Variants in PTK2 observed in about 807,000 individuals in gnomAD.
The protein encoded by PTK2 is focal adhesion kinase 1.
A neutral mutation model predicts 150.1 loss-of-function variants in PTK2; 45 were observed. That is an observed-to-expected ratio of 0.30 (90% CI 0.24 to 0.38). The LOEUF is 0.38. PTK2 is among the 10% of genes least tolerant of loss of function. The pLI is 1.00. For synonymous variants in PTK2, 432 were observed against 449.2 expected, an observed-to-expected ratio of 0.96 and a Z score of 0.48; for missense variants, 919 against 1,307.3, an observed-to-expected ratio of 0.70 and a Z score of 4.58.
chr8:140,864,157 A>G (rs761787140), intron 5 of PTK2, among the ~76,000 whole-genome samples, 155 bp downstream of exon 5: 9 of 152,244 alleles, frequency 5.9e-5, no homozygotes, highest in Non-Finnish European at 1.2e-4. Flanking sequence ...AAAAAAATTA[A>G]TAATTTCTTA....
At chr8:140,668,287 C>G (rs965178568) in exon 30 of PTK2, 1 of 1,614,140 alleles carries the variant, frequency 6.2e-7, no homozygotes. Flanking sequence ...TAGGGACATA[C>G]TCCTCTGGTG....
In PTK2 at chr8:140,850,426, CA is replaced by C. The variant is rs1215529684; in HGVS notation, c.451-3749del. Among the ~76,000 whole-genome samples the C allele has an allele frequency of 2.9e-5, 4 of 140,218 alleles. No individual in the cohort carries two copies. In the East Asian group the frequency reaches 6.6e-4, roughly 23 times the overall value. The allele number at this position is 140,218 out of a possible 152,430, so 92.0% of individuals were successfully genotyped here. On this transcript the variant is annotated intron_variant, in intron 5 of 31. Transcript: ENST00000522684. The stretch of plus-strand genomic sequence containing the variant: ...GGGGGCCAACAGTGAGACTTCGTCT[CA>C]AAAAAAAACTACGACGGGCCAGGCG...
intron 5 of PTK2, among the ~76,000 whole-genome samples, chr8:140,858,528 A>G (rs1470155473): frequency 1.3e-5 from 2 of 152,172 alleles, no homozygotes; most frequent in Non-Finnish European, 2.9e-5. Flanking sequence ...AGCCATCCAG[A>G]CAGAAAAGAC....
At chr8:140,675,813 T>C in intron 27 of PTK2, 1 of 220,338 alleles carries the variant, frequency 4.5e-6, no homozygotes, top group Non-Finnish European at 8.9e-6. Context: ...TAGTACAACC[T>C]CTATGGAAAA....
chr8:140,806,802 C>G lies in PTK2; in HGVS notation c.868-3152G>C, dbSNP rs532402744. 3.3e-5 allele frequency among the ~76,000 whole-genome samples: 5 copies of G among 152,282 alleles called. No homozygotes were observed. In the South Asian group the frequency reaches 1.0e-3, roughly 32 times the overall value. ...AAAAATTATTTGAGTAGGGGAATAA[C>G]ATGCTCTGTAATTTTAATTTCAGGA... On this transcript the variant is annotated intron_variant, in intron 10 of 31. Transcript: ENST00000522684.
At chr8:140,883,467 T>G (rs1051646363) in intron 3 of PTK2, among the ~76,000 whole-genome samples, 3 of 152,210 alleles carry the variant, frequency 2.0e-5, no homozygotes, top group Non-Finnish European at 4.4e-5. Context: ...GTTGACACTG[T>G]TTATCTCCTT....
chr8:140,695,187 G>A (rs911083115), intron 26 of PTK2, among the ~76,000 whole-genome samples: 2 of 152,158 alleles, frequency 1.3e-5, no homozygotes, highest in Non-Finnish European at 2.9e-5. Context: ...TGACACCAAT[G>A]CTATGATTCC....
intron 24 of PTK2, among the ~76,000 whole-genome samples, chr8:140,704,495 G>C (rs749767233): frequency 3.3e-4 from 50 of 152,206 alleles, no homozygotes; most frequent in Non-Finnish European, 6.3e-4. Flanking sequence ...CAGTGCCGCA[G>C]ACCAGGCCTG....
intron 16 of PTK2, among the ~76,000 whole-genome samples, chr8:140,760,200 G>A (rs376792814): frequency 2.6e-5 from 4 of 151,896 alleles, no homozygotes; most frequent in South Asian, 2.1e-4. Flanking sequence ...CCAGCCTGGC[G>A]ACAGAGCAAG....
chr8:140,895,727 T>C (rs1483471363), intron 2 of PTK2, among the ~76,000 whole-genome samples: 4 of 152,092 alleles, frequency 2.6e-5, no homozygotes, highest in Non-Finnish European at 5.9e-5. Context: ...ATTAGAATGT[T>C]TGTAACACCA....
chr8:140,774,019 T>A (rs1050392898), intron 14 of PTK2, among the ~76,000 whole-genome samples: 13 of 152,182 alleles, frequency 8.5e-5, no homozygotes, highest in Non-Finnish European at 1.5e-5. Flanking sequence ...CCAGTCCAAC[T>A]TTCTATGTGA....
At chr8:140,948,285 T>TC (rs1192468329) in intron 1 of PTK2, among the ~76,000 whole-genome samples, 2 of 152,062 alleles carry the variant, frequency 1.3e-5, no homozygotes, top group Non-Finnish European at 2.9e-5. Context: ...CCATGAGCAG[T>TC]CCCCAGAACA....
chr8:140,933,675 T>C (rs892480192), intron 1 of PTK2, among the ~76,000 whole-genome samples: 1 of 152,222 alleles, frequency 6.6e-6, no homozygotes, highest in Non-Finnish European at 1.5e-5. Context: ...ATTCCTTTTA[T>C]ATAAAATGTC....
chr8:140,836,854 A>C (rs1259738571), intron 7 of PTK2, among the ~76,000 whole-genome samples: 1 of 152,198 alleles, frequency 6.6e-6, no homozygotes, highest in African/African-American at 2.4e-5. Context: ...AAAGATGATT[A>C]AAAACAAATT....
intron 1 of PTK2, among the ~76,000 whole-genome samples, chr8:140,993,385 A>G (rs1285499363): frequency 1.3e-5 from 2 of 152,216 alleles, no homozygotes; most frequent in African/African-American, 4.8e-5. Flanking sequence ...TGCAAGTAAC[A>G]GTTCTCCAAT....
intron 1 of PTK2, among the ~76,000 whole-genome samples, chr8:140,961,063 A>G (rs2154609372): frequency 6.6e-6 from 1 of 152,340 alleles, no homozygotes; most frequent in South Asian, 2.1e-4. Flanking sequence ...AGATATATAG[A>G]AAAGACATCT....
intron 8 of PTK2, among the ~76,000 whole-genome samples, chr8:140,828,497 T>A (rs1392265015): frequency 6.6e-6 from 1 of 152,168 alleles, no homozygotes; most frequent in African/African-American, 2.4e-5. Context: ...TTCCTAATTG[T>A]TTATACACAT....
intron 1 of PTK2, among the ~76,000 whole-genome samples, chr8:140,967,841 T>C (rs1227189257): frequency 6.6e-6 from 1 of 152,208 alleles, no homozygotes; most frequent in Admixed American, 6.5e-5. Flanking sequence ...AACCACTTTA[T>C]ACCAATTTTC....
chr8:140,981,294 T>C (rs1357972609), intron 1 of PTK2, among the ~76,000 whole-genome samples: 1 of 150,886 alleles, frequency 6.6e-6, no homozygotes, highest in African/African-American at 2.4e-5. Context: ...TGAAAAGAAA[T>C]GAAACACTGA....
Sources: gnomAD v4.1 joint callset for allele counts (sites outside exome capture counted in the v4.1 genomes callset) on GRCh38, gnomAD v4.1.1 for gene constraint, MANE v1.5 for transcripts, NCBI Gene and HGNC (gene_info 2026-07-23, HGNC 2026-07-21) for gene names.